The following SYN2 variants were observed in gnomAD, a reference collection of about 807,000 sequenced individuals.
SYN2 encodes the protein synapsin II.
In SYN2, 19 loss-of-function variants were observed where a neutral mutation model predicts 50.9. That is an observed-to-expected ratio of 0.37 (90% CI 0.26 to 0.55). The LOEUF (loss-of-function observed/expected upper bound fraction) is 0.55. Ranked by LOEUF, SYN2 falls within the 20% of genes least tolerant of loss-of-function variation. The pLI is 0.81. For synonymous variants in SYN2, 255 were observed against 224.9 expected, an observed-to-expected ratio of 1.13 and a Z score of -1.20; for missense variants, 587 against 576.4, an observed-to-expected ratio of 1.02 and a Z score of -0.19.
chr3:12,079,613 T>A (rs1490600084), intron 1 of SYN2, among the ~76,000 whole-genome samples: 1 of 152,230 alleles, frequency 6.6e-6, no homozygotes, highest in Non-Finnish European at 1.5e-5. Context: ...TTTACTGATT[T>A]GTGTATGTTG....
intron 1 of SYN2, among the ~76,000 whole-genome samples, chr3:12,013,329 T>C (rs1316657165): frequency 6.6e-6 from 1 of 152,142 alleles, no homozygotes; most frequent in South Asian, 2.1e-4. Context: ...GTTCTTTCCC[T>C]TTGTCTACCT....
chr3:12,051,323 C>CTT (rs1366208493), intron 1 of SYN2, among the ~76,000 whole-genome samples: 1 of 147,730 alleles, frequency 6.8e-6, no homozygotes, highest in Non-Finnish European at 1.5e-5. Context: ...TCCCTGGTGG[C>CTT]TTTTTTTTTT....
chr3:12,053,276 C>G (rs564177619), intron 1 of SYN2, among the ~76,000 whole-genome samples: 106 of 152,138 alleles, frequency 7.0e-4, no homozygotes, highest in African/African-American at 2.4e-3. Flanking sequence ...CAAAAATTAG[C>G]CAGGCATGGT....
rs68043865 is a variant in SYN2, at chr3:12,164,984, C to CTT, written c.981-2230_981-2229dup. ...TTCAGTTTCTTCCTTTTTTTCTTTT[C>CTT]TTTTTTTTTTTTTTTTTTTTTGAGA... On this transcript the variant is annotated intron_variant, in intron 7 of 12. Coordinates refer to ENST00000621198, the MANE Select transcript of SYN2 (RefSeq NM_133625.6). Among the ~76,000 whole-genome samples, 148 of 92,310 alleles carry CTT rather than the reference C, an allele frequency of 1.6e-3. 1 individual carries two copies. The highest frequency in any genetic ancestry group is 2.3e-3 in the Non-Finnish European group (106 of 46,004). 60.6% of individuals were successfully genotyped at this position (92,310 alleles called of 152,430 possible).
In SYN2 at chr3:12,025,066, C is replaced by G. The variant is rs185060582; in HGVS notation, c.377+20138C>G. Among the ~76,000 whole-genome samples the G allele has an allele frequency of 3.9e-3, 595 of 152,280 alleles. 5 individuals carry two copies. The highest frequency in any genetic ancestry group is 3.5e-3 in the South Asian group (17 of 4,816). On this transcript the variant is annotated intron_variant, in intron 1 of 12. Coordinates refer to ENST00000621198, the MANE Select transcript of SYN2 (RefSeq NM_133625.6). The stretch of plus-strand genomic sequence containing the variant: ...GTGATTGGGTTCTGGTGAGGGCCCT[C>G]TTTCTGGCTTGTAGACGGCACCTTC...
rs957140087 is a variant in SYN2, at chr3:12,064,718, CAG to C, written c.377+59794_377+59795del. ...CATAGGACAACTATAATAAAAAAGA[CAG>C]AGAATAACAAGTGTTGGTGAGGATG... is the stretch of plus-strand genomic sequence containing the variant. On this transcript the variant is annotated intron_variant, in intron 1 of 12. Coordinates refer to ENST00000621198, the MANE Select transcript of SYN2 (RefSeq NM_133625.6). Among the ~76,000 whole-genome samples the C allele has an allele frequency of 5.9e-5, 9 of 152,146 alleles. No individual in the cohort carries two copies. The South Asian group carries it at 1.5e-3, about 25-fold the overall frequency.
intron 1 of SYN2, among the ~76,000 whole-genome samples, chr3:12,005,231 T>G (rs920637236): frequency 2.0e-5 from 3 of 152,076 alleles, no homozygotes; most frequent in Admixed American, 6.5e-5. Flanking sequence ...ATAGTTTTTT[T>G]GGGGGTAGAG....
At chr3:12,149,352 CCAGATGGGCAGGCAGGACGTAAAGGT>C (rs1697224533) in intron 4 of SYN2, among the ~76,000 whole-genome samples, 1 of 152,174 alleles carries the variant, frequency 6.6e-6, no homozygotes, top group African/African-American at 2.4e-5. Context: ...CCAGCCAGGC[CCAGATGGGCAGGCAGGACGTAAAGGT>C]CAGATGAGCA....
At position 12,004,929 on chromosome 3, in the gene SYN2, G is replaced by GT; in HGVS notation, c.377+2dup. The GT allele has an allele frequency of 1.8e-6, 1 of 556,200 alleles. No homozygotes were observed. The highest frequency in any genetic ancestry group is 3.2e-6 in the Non-Finnish European group (1 of 313,986). The allele number at this position is 556,200 out of a possible 1,614,324, so 34.5% of individuals were successfully genotyped here. Reference sequence around the variant, plus strand: ...TGGTCGACGAGCCGCACGCCGACTGGTAGGTGCCGGGCGCCGCCGCCCTCG... The same window carrying GT: ...TGGTCGACGAGCCGCACGCCGACTGGTTAGGTGCCGGGCGCCGCCGCCCTCG... On this transcript the variant is annotated splice_donor_variant, in intron 1 of 12. Transcript: ENST00000621198. LOFTEE classifies it high-confidence loss of function.
intron 1 of SYN2, among the ~76,000 whole-genome samples, chr3:12,033,190 C>T (rs988427055): frequency 6.6e-6 from 1 of 151,876 alleles, no homozygotes; most frequent in East Asian, 1.9e-4. Context: ...AGTTAGGCTG[C>T]TCGGGGGTCA....
chr3:12,085,352 TACACACACACACAC>T lies in SYN2; in HGVS notation c.378-55284_378-55271del, dbSNP rs55795895. Among the ~76,000 whole-genome samples the T allele has an allele frequency of 5.1e-3, 756 of 149,376 alleles. 4 individuals are homozygous for T. The highest frequency in any genetic ancestry group is 0.016 in the African/African-American group (657 of 40,924). ...ATATATATATATGATTGTTATGGAA[TACACACACACACAC>T]ACACACACACACACGCACGCACGCA... On this transcript the variant is annotated intron_variant, in intron 1 of 12. Transcript: ENST00000621198.
At chr3:12,044,781 C>G (rs1694699657) in intron 1 of SYN2, among the ~76,000 whole-genome samples, 1 of 152,002 alleles carries the variant, frequency 6.6e-6, no homozygotes, top group South Asian at 2.1e-4. Context: ...TTATTGTGCT[C>G]TATGGCATTG....
Position 12,004,892 on chromosome 3 carries a change from A to T in SYN2, c.341A>T (p.Lys114Met). 1 of 585,080 alleles carries T rather than the reference A, an allele frequency of 1.7e-6. No individual in the cohort carries two copies. Among genetic ancestry groups the T allele is most frequent in the Non-Finnish European group, 3.1e-6 (1 of 327,060 alleles). 36.2% of individuals were successfully genotyped at this position (585,080 alleles called of 1,614,324 possible). ...GCGCCCGCAGCCGCCAGGAAGGCCAAGGTGCTGCTGGTGGTCGACGAGCCG... is the reference window on the plus strand; with the variant it reads ...GCGCCCGCAGCCGCCAGGAAGGCCATGGTGCTGCTGGTGGTCGACGAGCCG... ...APAPAAARKA[K>M]VLLVVDEPHA... Residue 114 changes from lysine (K) to methionine (M), a missense_variant, in exon 1 of 13, where the codon AAG becomes ATG. By Grantham distance (95) the Lys-to-Met change is moderately conservative. Coordinates refer to ENST00000621198, the MANE Select transcript of SYN2 (RefSeq NM_133625.6).
At chr3:12,071,042 T>C in intron 1 of SYN2, 1 of 560,240 alleles carries the variant, frequency 1.8e-6, no homozygotes, top group Non-Finnish European at 3.6e-6. Context: ...TTCCTGGGCA[T>C]GGAATCTTGT....
At chr3:12,063,908 G>A (rs895027694) in intron 1 of SYN2, among the ~76,000 whole-genome samples, 2 of 152,016 alleles carry the variant, frequency 1.3e-5, no homozygotes, top group Admixed American at 6.6e-5. Flanking sequence ...CATCAAGAAG[G>A]TGGAATATAA....
chr3:12,011,729 T>C (rs1358982345), intron 1 of SYN2, among the ~76,000 whole-genome samples: 2 of 152,246 alleles, frequency 1.3e-5, no homozygotes, highest in Non-Finnish European at 2.9e-5. Context: ...CATAATCTCC[T>C]TGAGCCTTTC....
chr3:12,162,826 A>G (rs1697686022), intron 7 of SYN2, among the ~76,000 whole-genome samples: 1 of 152,256 alleles, frequency 6.6e-6, no homozygotes, highest in African/African-American at 2.4e-5. Context: ...TGGAAAGTTA[A>G]AAATTTCCTG....
At chr3:12,017,462 T>A (rs1694048835) in intron 1 of SYN2, among the ~76,000 whole-genome samples, 1 of 152,224 alleles carries the variant, frequency 6.6e-6, no homozygotes, top group Non-Finnish European at 1.5e-5. Flanking sequence ...TCATGCTCTG[T>A]GATTAATGGA....
chr3:12,153,627 T>C (rs748620138), intron 5 of SYN2: 12 of 1,614,056 alleles, frequency 7.4e-6, no homozygotes, highest in East Asian at 6.7e-5. Flanking sequence ...CTGGTAACCA[T>C]AGAGCTTTCG....
Sources: gnomAD v4.1 joint callset for allele counts (sites outside exome capture counted in the v4.1 genomes callset) on GRCh38, gnomAD v4.1.1 for gene constraint, MANE v1.5 for transcripts, NCBI Gene and HGNC (gene_info 2026-07-23, HGNC 2026-07-21) for gene names.